Variants in SLC38A1 observed in about 807,000 individuals in gnomAD.
The protein encoded by SLC38A1 is solute carrier family 38 member 1.
Under a neutral mutation model 60.3 loss-of-function variants are expected in SLC38A1, and 18 were observed. That is an observed-to-expected ratio of 0.30 (90% CI 0.21 to 0.44). The LOEUF (loss-of-function observed/expected upper bound fraction) is 0.44, where lower values mean the gene tolerates loss of function less well. SLC38A1 is among the 20% of genes least tolerant of loss of function. The pLI, the probability that SLC38A1 is intolerant of heterozygous loss-of-function variation, is 1.00. For missense variants in SLC38A1, 448 were observed against 587.2 expected, an observed-to-expected ratio of 0.76 and a Z score of 2.45; for synonymous variants, 196 against 212.1, an observed-to-expected ratio of 0.92 and a Z score of 0.66.
At chr12:46,213,543 C>A (rs764595049) in intron 5 of SLC38A1, among the ~76,000 whole-genome samples, 1 of 152,244 alleles carries the variant, frequency 6.6e-6, no homozygotes, top group African/African-American at 2.4e-5. Context: ...GTCCAGCCAA[C>A]TGCTTGAAGC....
At chr12:46,205,699 T>G (rs756077118) in intron 9 of SLC38A1, among the ~76,000 whole-genome samples, 9 of 152,232 alleles carry the variant, frequency 5.9e-5, no homozygotes, top group Non-Finnish European at 1.2e-4. Flanking sequence ...TAGGCAGCTT[T>G]CTGTCTCCAT....
Position 46,239,730 on chromosome 12 carries a change from A to G in SLC38A1, c.71T>C (p.Ile24Thr). The G allele has an allele frequency of 6.2e-7, 1 of 1,613,668 alleles. No individual in the cohort carries two copies. The highest frequency in any genetic ancestry group is 8.5e-7 in the Non-Finnish European group (1 of 1,179,936). Residue 24 changes from isoleucine (I) to threonine (T), a missense_variant, in exon 3 of 17, where the codon ATT becomes ACT. Transcript: ENST00000398637. ...GGTGAAATCATTGGAGTCATTGCTA[A>G]TGTTATCATCCTCGGGCACTGTCAT... is the stretch of plus-strand genomic sequence containing the variant. ...QNMTVPEDDN[I>T]SNDSNDFTEV...
chr12:46,223,452 T>TCACACACA (rs146387838), intron 5 of SLC38A1, among the ~76,000 whole-genome samples: 1,588 of 146,174 alleles, frequency 0.011, 26 homozygotes, highest in African/African-American at 0.037. Flanking sequence ...TCTCTCACAT[T>TCACACACA]CACACACACA....
chr12:46,245,928 TA>T (rs1941599410), intron 1 of SLC38A1, among the ~76,000 whole-genome samples: 1 of 152,230 alleles, frequency 6.6e-6, no homozygotes, highest in Non-Finnish European at 1.5e-5. Flanking sequence ...TTGGTGATTT[TA>T]GATTGTTTTT....
At chr12:46,213,498 T>C (rs1303140462) in intron 5 of SLC38A1, among the ~76,000 whole-genome samples, 1 of 152,224 alleles carries the variant, frequency 6.6e-6, no homozygotes, top group Non-Finnish European at 1.5e-5. Flanking sequence ...GGCATCAACC[T>C]TGAATAGAAC....
At chr12:46,241,425 T>G (rs1224221967) in intron 2 of SLC38A1, among the ~76,000 whole-genome samples, 1 of 152,200 alleles carries the variant, frequency 6.6e-6, no homozygotes, top group Non-Finnish European at 1.5e-5. Context: ...GTCTCCTATC[T>G]AGAATAAAAC....
chr12:46,204,352 A>C lies in SLC38A1; in HGVS notation c.771T>G (p.Asn257Lys). The C allele has an allele frequency of 2.5e-6, 4 of 1,613,808 alleles. No individual in the cohort carries two copies. Among genetic ancestry groups the C allele is most frequent in the Non-Finnish European group, 2.5e-6 (3 of 1,179,778 alleles). ...VPELNSTISANSTNADTCTPK... is the reference protein window; with the variant it reads ...VPELNSTISAKSTNADTCTPK... ...GCGTACACGTGTCAGCATTTGTTGA[A>C]TTAGCACTTATTGTTGAATTTAGCT... Residue 257 changes from asparagine (N) to lysine (K), a missense_variant, in exon 11 of 17, where the codon AAT becomes AAG. Transcript: ENST00000398637.
rs148084443 is a variant in SLC38A1, at chr12:46,268,160, T to A, written c.-209+366A>T. Among the ~76,000 whole-genome samples, 1,480 of 152,124 alleles carry A rather than the reference T, an allele frequency of 9.7e-3. 16 individuals carry two copies. Among genetic ancestry groups the A allele is most frequent in the African/African-American group, 0.034 (1,405 of 41,484 alleles). ...GGTCGCGCCCTCGGGTCAGCTGCGCTCTCCCTCCAGACGTGCGTGGTTCCT... is the reference window on the plus strand; with the variant it reads ...GGTCGCGCCCTCGGGTCAGCTGCGCACTCCCTCCAGACGTGCGTGGTTCCT... On this transcript the variant is annotated intron_variant, in intron 1 of 16. Coordinates refer to ENST00000398637, the MANE Select transcript of SLC38A1 (RefSeq NM_030674.4). The surrounding 1 kb of genome is among the most constrained non-coding windows in gnomAD (Gnocchi z 4.4).
intron 13 of SLC38A1, among the ~76,000 whole-genome samples, chr12:46,199,976 A>G (rs374012390): frequency 6.6e-6 from 1 of 152,192 alleles, no homozygotes; most frequent in African/African-American, 2.4e-5. Context: ...AAAATAGCTA[A>G]TCCTTTTTCT....
At chr12:46,209,995 A>G (rs1940082236) in intron 5 of SLC38A1, among the ~76,000 whole-genome samples, 1 of 152,242 alleles carries the variant, frequency 6.6e-6, no homozygotes, top group Non-Finnish European at 1.5e-5. Context: ...GGGAAAATAT[A>G]TCCCTAGAAC....
chr12:46,233,726 A>G (rs1162645845), intron 3 of SLC38A1, among the ~76,000 whole-genome samples: 1 of 152,248 alleles, frequency 6.6e-6, no homozygotes, highest in Non-Finnish European at 1.5e-5. Context: ...TTTAATGAGT[A>G]ACCGTTAAAT....
At chr12:46,249,333 C>T (rs1941750388) in intron 1 of SLC38A1, among the ~76,000 whole-genome samples, 1 of 151,960 alleles carries the variant, frequency 6.6e-6, no homozygotes, top group Non-Finnish European at 1.5e-5. Context: ...CACATTTAAA[C>T]CAGTGTGTAG....
At chr12:46,204,634 T>C in intron 9 of SLC38A1, 44 bp from the exon 10 acceptor site, 3 of 1,507,970 alleles carry the variant, frequency 2.0e-6, no homozygotes, top group Non-Finnish European at 2.7e-6. Flanking sequence ...TTTTTTCCAT[T>C]TTTAAAAATT....
chr12:46,234,573 G>A (rs1488097669), intron 3 of SLC38A1, among the ~76,000 whole-genome samples: 1 of 151,152 alleles, frequency 6.6e-6, no homozygotes, highest in African/African-American at 2.4e-5. Flanking sequence ...TCAGCCTCCC[G>A]AGTAGCTGGG....
In SLC38A1 at chr12:46,207,600, A is replaced by G. The variant is rs770649448; in HGVS notation, c.410T>C (p.Leu137Pro). Reference sequence around the variant, plus strand: ...TGTGGTGCCAAAGACTTGTTCCCCCAGCTTTTCATACACCATGCAGCCTAT... The same window carrying G: ...TGTGGTGCCAAAGACTTGTTCCCCCGGCTTTTCATACACCATGCAGCCTAT... ...KETGCMVYEK[L>P]GEQVFGTTGK... Residue 137 changes from leucine to proline, a missense_variant, in exon 7 of 17, where the codon CTG becomes CCG. Around this residue, in one of 2 missense-constraint regions of SLC38A1, gnomAD observed 346 missense variants for 497.5 expected, o/e 0.70. Transcript: ENST00000398637. The G allele has an allele frequency of 6.2e-7, 1 of 1,613,832 alleles. No homozygotes were observed.
intron 16 of SLC38A1, chr12:46,195,767 G>A (rs1375273218): frequency 4.9e-6 from 1 of 206,034 alleles, no homozygotes; most frequent in East Asian, 1.1e-4. Flanking sequence ...CCAGGCACGG[G>A]AGGGTATTAC....
chr12:46,238,439 AT>A (rs1293196785), intron 3 of SLC38A1, among the ~76,000 whole-genome samples: 2 of 152,208 alleles, frequency 1.3e-5, no homozygotes, highest in Non-Finnish European at 2.9e-5. Flanking sequence ...ATCAGAAATG[AT>A]TTCTACAAAG....
chr12:46,189,098 T>C (rs777078359), intron 16 of SLC38A1, 27 bp from the exon 17 acceptor site: 14 of 1,599,176 alleles, frequency 8.8e-6, no homozygotes, highest in African/African-American at 1.3e-5. Context: ...GCAAGGGTTA[T>C]TTTCAGTGCA....
chr12:46,219,940 C>A (rs895679377), intron 5 of SLC38A1, among the ~76,000 whole-genome samples: 1 of 152,198 alleles, frequency 6.6e-6, no homozygotes, highest in Non-Finnish European at 1.5e-5. Flanking sequence ...TACACTCTAG[C>A]GCATGTGCGC....
Sources: gnomAD v4.1 joint callset for allele counts (sites outside exome capture counted in the v4.1 genomes callset) on GRCh38, gnomAD v4.1.1 for gene constraint, gnomAD v4.1.1 regional missense constraint, Gnocchi (gnomAD v3.1) non-coding constraint, MANE v1.5 for transcripts, NCBI Gene and HGNC (gene_info 2026-07-23, HGNC 2026-07-21) for gene names.